PRPF18: variants seen among roughly 807,000 people sequenced by gnomAD.
PRPF18 encodes the protein pre-mRNA-splicing factor 18.
Under a neutral mutation model 46.5 loss-of-function variants are expected in PRPF18, and 38 were observed. The ratio of observed to expected loss-of-function variants is 0.82; its 90% CI spans 0.63 to 1.07. The LOEUF is 1.07. PRPF18 is among the 50% of genes least tolerant of loss of function. The pLI, the probability that PRPF18 is intolerant of heterozygous loss-of-function variation, is 0.00. For synonymous variants in PRPF18, 152 were observed against 146.7 expected (o/e 1.04, Z -0.26); for missense variants, 263 against 410.0 (o/e 0.64, Z 3.10).
chr10:13,588,755 A>G (rs916805844), intron 1 of PRPF18, among the ~76,000 whole-genome samples: 5 of 151,904 alleles, frequency 3.3e-5, no homozygotes, highest in Admixed American at 6.5e-5. Flanking sequence ...AAAGAATTAC[A>G]TGATTTAGGA....
At chr10:13,652,179 C>A in the PRPF18 span, 1 of 592,878 alleles carries the variant, frequency 1.7e-6, no homozygotes, top group Non-Finnish European at 3.0e-6. Flanking sequence ...TTAGGAGGGA[C>A]GGGCCCTCTT....
chr10:13,610,244 A>G (rs1323187972), intron 5 of PRPF18, 59 bp downstream of exon 5: 1 of 1,553,596 alleles, frequency 6.4e-7, no homozygotes, highest in South Asian at 1.2e-5. Flanking sequence ...TCTGGAGCAG[A>G]TGACTGAGTC....
rs1447304429 is a variant in PRPF18, at chr10:13,587,049, C to G, written c.-38C>G. The G allele has an allele frequency of 6.2e-7, 1 of 1,605,514 alleles. No individual in the cohort carries two copies. Among genetic ancestry groups the G allele is most frequent in the African/African-American group, 1.3e-5 (1 of 74,850 alleles). On this transcript the variant is annotated 5_prime_UTR_variant, in exon 1 of 10. Transcript: ENST00000378572. ...GCCCAGTGAGGCTGGGTTCGAGGAG[C>G]TGGAGCGGGAAACTGGAGCTTAAAT...
chr10:13,601,652 T>A (rs1283063619), intron 3 of PRPF18, among the ~76,000 whole-genome samples: 1 of 152,082 alleles, frequency 6.6e-6, no homozygotes, highest in Admixed American at 6.6e-5. Context: ...CATTTTATGT[T>A]GGGGGGTGTG....
intron 1 of PRPF18, among the ~76,000 whole-genome samples, chr10:13,589,102 C>A (rs942829414): frequency 6.6e-6 from 1 of 152,222 alleles, no homozygotes; most frequent in Non-Finnish European, 1.5e-5. Context: ...AGGAAACTGT[C>A]AGGCTCCTGA....
intron 9 of PRPF18, among the ~76,000 whole-genome samples, chr10:13,617,470 T>G (rs2080362162): frequency 6.6e-6 from 1 of 152,076 alleles, no homozygotes; most frequent in Non-Finnish European, 1.5e-5. Flanking sequence ...AGTTCAAATA[T>G]ACTTCTGGAA....
chr10:13,641,643 C>T, the PRPF18 span: 1 of 152,182 alleles, frequency 6.6e-6, no homozygotes, highest in Non-Finnish European at 1.5e-5. Flanking sequence ...ACTACGATAC[C>T]AGGTGGAAAA....
chr10:13,597,698 A>G, intron 2 of PRPF18, 163 bp downstream of exon 2: 1 of 1,579,082 alleles, frequency 6.3e-7, no homozygotes, highest in South Asian at 1.1e-5. Flanking sequence ...TTGCATTTTT[A>G]AAAAAATCTT....
chr10:13,593,560 A>G (rs1471296655), intron 1 of PRPF18, among the ~76,000 whole-genome samples: 8 of 152,204 alleles, frequency 5.3e-5, no homozygotes, highest in Admixed American at 5.2e-4. Context: ...TACCCAGGGC[A>G]GAGTCTTGAG....
chr10:13,591,187 A>T lies in PRPF18; in HGVS notation c.66+4035A>T, dbSNP rs551376861. Among the ~76,000 whole-genome samples, 225 of 152,322 alleles carry T rather than the reference A, an allele frequency of 1.5e-3. 4 individuals carry two copies. In the South Asian group the frequency reaches 0.024, roughly 16 times the overall value. On this transcript the variant is annotated intron_variant, in intron 1 of 9. Transcript: ENST00000378572. ...ACTAGGCGTCTTTTCTGTTGTATCC[A>T]TGGGAAGACAGTCTTTAGATCTGCA...
the PRPF18 span, chr10:13,654,072 C>T: frequency 2.2e-6 from 1 of 453,774 alleles, no homozygotes; most frequent in Non-Finnish European, 3.9e-6. Context: ...ACATTCTTGC[C>T]TGGCATTTTG....
chr10:13,622,323 G>A (rs987056660), intron 9 of PRPF18, among the ~76,000 whole-genome samples: 1 of 152,232 alleles, frequency 6.6e-6, no homozygotes, highest in Non-Finnish European at 1.5e-5. Context: ...TTTGGAAACA[G>A]ATTTGGGGGA....
rs1471466327 is a variant in PRPF18, at chr10:13,609,966, G to GA, written c.364-68dup. The GA allele has an allele frequency of 2.1e-6, 3 of 1,438,096 alleles. No individual in the cohort carries two copies. The East Asian group carries it at 6.9e-5, about 33-fold the overall frequency. The allele number at this position is 1,438,096 out of a possible 1,614,324, so 89.1% of individuals were successfully genotyped here. ...GGAAAAAATATTTGCAGTTATTAAT[G>GA]AAAAATCAAAGGTGAAAAAACAGGT... On this transcript the variant is annotated intron_variant, in intron 4 of 9. Transcript: ENST00000378572.
At chr10:13,646,221 T>C in the PRPF18 span, 4 of 152,784 alleles carry the variant, frequency 2.6e-5, no homozygotes, top group African/African-American at 4.8e-5. Flanking sequence ...CCAGTTTACA[T>C]AGGGTTGACT....
At chr10:13,596,943 A>G (rs910137486) in intron 1 of PRPF18, among the ~76,000 whole-genome samples, 3 of 152,164 alleles carry the variant, frequency 2.0e-5, no homozygotes, top group Non-Finnish European at 2.9e-5. Flanking sequence ...ACCACCCTAT[A>G]TGTAGATTAT....
At chr10:13,653,495 A>C in the PRPF18 span, 2 of 152,266 alleles carry the variant, frequency 1.3e-5, no homozygotes, top group African/African-American at 4.8e-5. Context: ...ACTCCGTCTC[A>C]AAAAAAGGCC....
chr10:13,601,335 A>G (rs2080105992), intron 3 of PRPF18, among the ~76,000 whole-genome samples: 1 of 152,204 alleles, frequency 6.6e-6, no homozygotes, highest in African/African-American at 2.4e-5. Context: ...TGTTGTGTTT[A>G]TAGTGTTTGT....
intron 3 of PRPF18, among the ~76,000 whole-genome samples, chr10:13,601,798 A>G (rs2080114377): frequency 6.6e-6 from 1 of 152,216 alleles, no homozygotes; most frequent in Non-Finnish European, 1.5e-5. Context: ...AAGGTAATGC[A>G]TGAAGAGAAC....
At chr10:13,623,196 G>A (rs971338857) in intron 9 of PRPF18, among the ~76,000 whole-genome samples, 3 of 151,218 alleles carry the variant, frequency 2.0e-5, no homozygotes, top group Admixed American at 6.6e-5. Flanking sequence ...GCGAGACTCC[G>A]TCTCAAAAAA....
Sources: gnomAD v4.1 joint callset for allele counts (sites outside exome capture counted in the v4.1 genomes callset) on GRCh38, gnomAD v4.1.1 for gene constraint, MANE v1.5 for transcripts, NCBI Gene and HGNC (gene_info 2026-07-23, HGNC 2026-07-21) for gene names.